The following DEPDC1B variants were observed in gnomAD, a reference collection of about 807,000 sequenced individuals.
The protein encoded by DEPDC1B is DEP domain-containing protein 1B.
Under a neutral mutation model 66.5 loss-of-function variants are expected in DEPDC1B, and 51 were observed. That is an observed-to-expected ratio of 0.77 (90% CI 0.61 to 0.97). The LOEUF is 0.97. Among genes scored for constraint, DEPDC1B ranks in the 50% least tolerant of loss-of-function variants. The pLI, the probability that DEPDC1B is intolerant of heterozygous loss-of-function variation, is 0.00. For missense variants in DEPDC1B, 552 were observed against 637.1 expected, an observed-to-expected ratio of 0.87 and a Z score of 1.44; for synonymous variants, 226 against 223.6, an observed-to-expected ratio of 1.01 and a Z score of -0.10.
At chr5:60,663,310 A>T (rs1753763970) in intron 2 of DEPDC1B, among the ~76,000 whole-genome samples, 1 of 152,152 alleles carries the variant, frequency 6.6e-6, no homozygotes, top group African/African-American at 2.4e-5. Flanking sequence ...AAAGATTGTT[A>T]AGGACCTAAA....
chr5:60,671,803 T>C (rs1754046389), intron 2 of DEPDC1B, among the ~76,000 whole-genome samples: 1 of 152,236 alleles, frequency 6.6e-6, no homozygotes, highest in African/African-American at 2.4e-5. Context: ...TACTTATTTA[T>C]GTGTAATGAA....
At chr5:60,611,020 A>G (rs1752405212) in intron 7 of DEPDC1B, among the ~76,000 whole-genome samples, 1 of 152,162 alleles carries the variant, frequency 6.6e-6, no homozygotes, top group Non-Finnish European at 1.5e-5. Context: ...GTTGCTTTGC[A>G]GGTATTATGT....
intron 7 of DEPDC1B, among the ~76,000 whole-genome samples, chr5:60,635,024 A>C (rs1280803395): frequency 1.4e-5 from 2 of 146,654 alleles, no homozygotes; most frequent in Non-Finnish European, 3.0e-5. Context: ...GCGCCATTGC[A>C]CTCCAGCCTG....
intron 7 of DEPDC1B, among the ~76,000 whole-genome samples, chr5:60,614,808 T>C (rs912383859): frequency 1.3e-5 from 2 of 152,032 alleles, no homozygotes; most frequent in African/African-American, 4.8e-5. Context: ...CTGGCCAACA[T>C]GGCAAAACCC....
chr5:60,632,339 T>C (rs1278619257), intron 7 of DEPDC1B, among the ~76,000 whole-genome samples: 2 of 152,226 alleles, frequency 1.3e-5, no homozygotes, highest in Non-Finnish European at 2.9e-5. Flanking sequence ...GGATCATTGA[T>C]GCCACCACCA....
chr5:60,688,426 G>A (rs145739284), intron 1 of DEPDC1B, among the ~76,000 whole-genome samples: 2 of 152,228 alleles, frequency 1.3e-5, no homozygotes, highest in African/African-American at 4.8e-5. Context: ...CAGACCAGCA[G>A]GGCAAACTGA....
At chr5:60,626,655 G>A (rs1010234040) in intron 7 of DEPDC1B, among the ~76,000 whole-genome samples, 7 of 151,946 alleles carry the variant, frequency 4.6e-5, no homozygotes, top group Non-Finnish European at 7.4e-5. Flanking sequence ...AAAAGTTTAC[G>A]AAAATACCTA....
intron 2 of DEPDC1B, among the ~76,000 whole-genome samples, chr5:60,668,059 T>C (rs1166741325): frequency 1.1e-5 from 1 of 91,712 alleles, no homozygotes; most frequent in Non-Finnish European, 1.9e-5. Context: ...AAAATGGATA[T>C]TTTATATATA....
chr5:60,597,657 G>T lies in DEPDC1B; in HGVS notation c.*96C>A. ...TATATTTCAGTAGTCTTTGTTTTATGCTTTTCTTTCTTCCACCACCAAAGT... is the reference window on the plus strand; with the variant it reads ...TATATTTCAGTAGTCTTTGTTTTATTCTTTTCTTTCTTCCACCACCAAAGT... On this transcript the variant is annotated 3_prime_UTR_variant, in exon 11 of 11. Coordinates refer to ENST00000265036, the MANE Select transcript of DEPDC1B (RefSeq NM_018369.3). 7.5e-7 allele frequency: 1 copy of T among 1,337,464 alleles called. No individual in the cohort carries two copies. The highest frequency in any genetic ancestry group is 1.0e-6 in the Non-Finnish European group (1 of 971,768). 82.8% of individuals were successfully genotyped at this position (1,337,464 alleles called of 1,614,324 possible). A position where few individuals can be genotyped will look rare whatever the true frequency, so the allele number is the denominator to read the frequency against.
chr5:60,644,284 T>TAA (rs148999273), intron 5 of DEPDC1B, among the ~76,000 whole-genome samples: 1 of 152,028 alleles, frequency 6.6e-6, no homozygotes, highest in African/African-American at 2.4e-5. Context: ...GTGGGAAATA[T>TAA]AAAAAATCAA....
chr5:60,683,654 T>C (rs1754348664), intron 2 of DEPDC1B, among the ~76,000 whole-genome samples: 1 of 152,122 alleles, frequency 6.6e-6, no homozygotes, highest in African/African-American at 2.4e-5. Context: ...ACAGCTAACA[T>C]CATTGAACAG....
At chr5:60,696,343 T>C (rs992979169) in intron 1 of DEPDC1B, among the ~76,000 whole-genome samples, 5 of 152,204 alleles carry the variant, frequency 3.3e-5, no homozygotes, top group Non-Finnish European at 7.4e-5. Context: ...CATTTATAAA[T>C]AGACTTTTGA....
intron 2 of DEPDC1B, among the ~76,000 whole-genome samples, chr5:60,668,386 T>C (rs553043159): frequency 6.6e-6 from 1 of 151,068 alleles, no homozygotes; most frequent in East Asian, 1.9e-4. Flanking sequence ...GCAATTGTCC[T>C]GCCTCAGCCT....
At chr5:60,681,904 C>A (rs1373718480) in intron 2 of DEPDC1B, among the ~76,000 whole-genome samples, 1 of 151,464 alleles carries the variant, frequency 6.6e-6, no homozygotes, top group Non-Finnish European at 1.5e-5. Flanking sequence ...ACCACCACAC[C>A]CAGCTCTGAA....
In DEPDC1B at chr5:60,686,980, T is replaced by A. The variant is rs746163885; in HGVS notation, c.296A>T (p.Asp99Val). 6.2e-7 allele frequency: 1 copy of A among 1,614,122 alleles called. No individual in the cohort carries two copies. Among genetic ancestry groups the A allele is most frequent in the Non-Finnish European group, 8.5e-7 (1 of 1,180,050 alleles). The change falls in exon 2 of 11, where the codon GAC (aspartate) becomes GTC (valine). Residue 99 changes from aspartate (D) to valine (V), a missense_variant. Transcript: ENST00000265036. ...KGKWGEEDFE[D>V]NRHLYRFPPS... is the part of the protein sequence containing the mutation. ...CCATTACCTGTATAAGTGACGATTGTCTTCAAAATCTTCCTCACCCCATTT... is the reference window on the plus strand; with the variant it reads ...CCATTACCTGTATAAGTGACGATTGACTTCAAAATCTTCCTCACCCCATTT...
intron 7 of DEPDC1B, among the ~76,000 whole-genome samples, chr5:60,608,222 T>G (rs1319171952): frequency 1.3e-5 from 2 of 152,176 alleles, no homozygotes; most frequent in African/African-American, 2.4e-5. Context: ...AAGCCTTCTA[T>G]CTCATTGTCC....
At chr5:60,677,326 A>ACACACACACTCTCTCT (rs770640655) in intron 2 of DEPDC1B, among the ~76,000 whole-genome samples, 42 of 108,518 alleles carry the variant, frequency 3.9e-4, no homozygotes, top group African/African-American at 1.6e-3. Flanking sequence ...ACACACACAC[A>ACACACACACTCTCTCT]CTCTCTCTCT....
chr5:60,643,011 G>T (rs1753226185), intron 5 of DEPDC1B, 152 bp from the exon 6 acceptor site: 1 of 609,730 alleles, frequency 1.6e-6, no homozygotes, highest in Admixed American at 3.3e-5. Context: ...ACATTTAAAA[G>T]ATGGAAACCT....
intron 2 of DEPDC1B, among the ~76,000 whole-genome samples, chr5:60,653,675 G>T (rs1753508823): frequency 6.6e-6 from 1 of 152,136 alleles, no homozygotes; most frequent in Admixed American, 6.6e-5. Context: ...TGGTCATGAA[G>T]TCTTTGTCTA....
Sources: allele counts gnomAD v4.1 joint callset (sites outside exome capture counted in the v4.1 genomes callset), GRCh38; gene constraint gnomAD v4.1.1; transcripts MANE v1.5; gene names NCBI Gene and HGNC (gene_info 2026-07-23, HGNC 2026-07-21).